WDR25: variants seen among roughly 807,000 people sequenced by gnomAD.
WDR25 encodes the protein WD repeat domain 25.
In WDR25, 35 loss-of-function variants were observed where a neutral mutation model predicts 47.7. That is an observed-to-expected ratio of 0.73 (90% confidence interval 0.56 to 0.97). The LOEUF (loss-of-function observed/expected upper bound fraction) is 0.97. Among genes scored for constraint, WDR25 ranks in the 50% least tolerant of loss-of-function variants. The pLI is 0.00. For missense variants in WDR25, 634 were observed against 704.7 expected (o/e 0.90, Z 1.14); for synonymous variants, 248 against 278.9 (o/e 0.89, Z 1.10).
chr14:100,527,970 G>A lies in WDR25; in HGVS notation c.1273-1098G>A, dbSNP rs368073242. On this transcript the variant is annotated intron_variant, in intron 5 of 6. Coordinates refer to ENST00000402312, the MANE Select transcript of WDR25 (RefSeq NM_001161476.3). ...CCTGTCAATGAAGCAGTGAGATCTC[G>A]CGCCCCCTGTGTTTTGAGGTTTGTG... 2.9e-3 allele frequency among the ~76,000 whole-genome samples: 434 copies of A among 151,968 alleles called. 4 individuals carry two copies. Among genetic ancestry groups the A allele is most frequent in the African/African-American group, 8.9e-3 (369 of 41,424 alleles).
chr14:100,423,084 A>G (rs912407977), intron 2 of WDR25, among the ~76,000 whole-genome samples: 41 of 152,338 alleles, frequency 2.7e-4, no homozygotes, highest in African/African-American at 9.6e-4. Flanking sequence ...TCACCTCTCT[A>G]TAATTTGCCC....
chr14:100,464,849 AC>A (rs1025120834), intron 2 of WDR25, among the ~76,000 whole-genome samples: 5 of 133,358 alleles, frequency 3.7e-5, no homozygotes, highest in African/African-American at 1.4e-4. Context: ...ACTCTTTCCT[AC>A]CCCATCTACT....
intron 4 of WDR25, among the ~76,000 whole-genome samples, chr14:100,485,593 G>A (rs76096455): frequency 0.012 from 1,855 of 152,314 alleles, 37 homozygotes; most frequent in African/African-American, 0.043. Context: ...GTCTTTCAAC[G>A]CTGTGTGTCT....
At chr14:100,417,822 A>G (rs141347612) in intron 2 of WDR25, among the ~76,000 whole-genome samples, 12 of 152,062 alleles carry the variant, frequency 7.9e-5, no homozygotes, top group South Asian at 2.1e-4. Flanking sequence ...CTAGCCTTCC[A>G]TCGTTTCTGT....
At chr14:100,408,978 G>A (rs780291527) in intron 2 of WDR25, among the ~76,000 whole-genome samples, 2 of 152,158 alleles carry the variant, frequency 1.3e-5, no homozygotes, top group African/African-American at 4.8e-5. Flanking sequence ...GATGTGGAGC[G>A]CTAGACTTAT....
chr14:100,403,502 C>T (rs1013309751), intron 2 of WDR25, among the ~76,000 whole-genome samples: 1 of 152,186 alleles, frequency 6.6e-6, no homozygotes, highest in Non-Finnish European at 1.5e-5. Flanking sequence ...CTCTGCTTCT[C>T]CCCCACTGTT....
At chr14:100,475,619 G>A (rs1175098673) in intron 3 of WDR25, among the ~76,000 whole-genome samples, 5 of 152,132 alleles carry the variant, frequency 3.3e-5, no homozygotes, top group Non-Finnish European at 7.3e-5. Context: ...TGTTACCAGG[G>A]GTTTGGGGGT....
intron 2 of WDR25, among the ~76,000 whole-genome samples, chr14:100,400,456 C>T (rs1246248502): frequency 1.3e-5 from 2 of 152,216 alleles, no homozygotes; most frequent in Non-Finnish European, 2.9e-5. Context: ...ATTCAGCCAG[C>T]ACCAGCTAAT....
chr14:100,462,751 G>T (rs1899457966), intron 2 of WDR25, among the ~76,000 whole-genome samples: 3 of 151,992 alleles, frequency 2.0e-5, no homozygotes, highest in South Asian at 4.1e-4. Flanking sequence ...CTTCTTTCTT[G>T]CATGAGACCA....
chr14:100,434,963 C>T (rs1898456573), intron 2 of WDR25, among the ~76,000 whole-genome samples: 2 of 152,180 alleles, frequency 1.3e-5, no homozygotes, highest in Non-Finnish European at 2.9e-5. Context: ...CCTGATCCTT[C>T]CTTCTGCTCC....
In WDR25 at chr14:100,500,509, G is replaced by A. The variant is rs1900885067; in HGVS notation, c.1101+16385G>A. 6.6e-6 allele frequency among the ~76,000 whole-genome samples: 1 copy of A among 152,140 alleles called. No individual in the cohort carries two copies. Among genetic ancestry groups the A allele is most frequent in the Admixed American group, 6.5e-5 (1 of 15,274 alleles). The stretch of plus-strand genomic sequence containing the variant: ...GTGCACCACAAAGTGGCCTTTTTTG[G>A]TCCCTGTTGACCCTGTGCCTCATTA... On this transcript the variant is annotated intron_variant, in intron 4 of 6. Coordinates refer to ENST00000402312, the MANE Select transcript of WDR25 (RefSeq NM_001161476.3). The surrounding 1 kb of genome is among the most constrained non-coding windows in gnomAD (Gnocchi z 4.7).
intron 2 of WDR25, among the ~76,000 whole-genome samples, chr14:100,406,234 T>C (rs2140180673): frequency 6.6e-6 from 1 of 152,214 alleles, no homozygotes; most frequent in East Asian, 1.9e-4. Flanking sequence ...CGGAGGCCCG[T>C]TGGACTGTTG....
At chr14:100,453,227 G>A (rs1368206910) in intron 2 of WDR25, among the ~76,000 whole-genome samples, 1 of 152,210 alleles carries the variant, frequency 6.6e-6, no homozygotes, top group Non-Finnish European at 1.5e-5. Context: ...TAGGGCAGTG[G>A]GTTGGACCTT....
chr14:100,476,065 G>A (rs1231860257), intron 3 of WDR25, among the ~76,000 whole-genome samples: 1 of 152,136 alleles, frequency 6.6e-6, no homozygotes, highest in African/African-American at 2.4e-5. Context: ...ACTGTTTATT[G>A]GGCCCTATCA....
intron 2 of WDR25, among the ~76,000 whole-genome samples, chr14:100,406,080 C>A (rs1481084544): frequency 6.6e-6 from 1 of 152,140 alleles, no homozygotes; most frequent in Non-Finnish European, 1.5e-5. Context: ...GAGGTACAGG[C>A]TCCCCAAGGC....
intron 2 of WDR25, chr14:100,382,103 G>A (rs1357460260): frequency 1.3e-5 from 9 of 703,010 alleles, no homozygotes; most frequent in Non-Finnish European, 2.3e-5. Flanking sequence ...ATTGAGCCAT[G>A]CCAGCTCTGT....
chr14:100,520,399 GAC>G (rs1337865893), intron 4 of WDR25, among the ~76,000 whole-genome samples: 1 of 151,558 alleles, frequency 6.6e-6, no homozygotes, highest in Non-Finnish European at 1.5e-5. Context: ...TATATATATT[GAC>G]ACTAACAATG....
At position 100,523,891 on chromosome 14, in the gene WDR25, G is replaced by T. The variant is rs1479680460; in HGVS notation, c.1102-1979G>T. Among the ~76,000 whole-genome samples, 1 of 152,066 alleles carries T rather than the reference G, an allele frequency of 6.6e-6. No homozygotes were observed. The highest frequency in any genetic ancestry group is 1.9e-4 in the East Asian group (1 of 5,196). On this transcript the variant is annotated intron_variant, in intron 4 of 6. Transcript: ENST00000402312. This position sits in a 1 kb window ranked among gnomAD's most constrained non-coding sequence, Gnocchi z 4.7. Reference sequence around the variant, plus strand: ...CATGCCAGCTGTTGGTGTAATTAAGGTTGCCATAAAACCCACCAGCTAGAC... The same window carrying T: ...CATGCCAGCTGTTGGTGTAATTAAGTTTGCCATAAAACCCACCAGCTAGAC...
intron 4 of WDR25, among the ~76,000 whole-genome samples, chr14:100,516,615 T>C (rs375323673): frequency 1.3e-5 from 2 of 152,238 alleles, no homozygotes; most frequent in Admixed American, 6.5e-5. Context: ...GTTTTCATTG[T>C]ATTCCTCTTA....
Sources: allele counts gnomAD v4.1 joint callset (sites outside exome capture counted in the v4.1 genomes callset), GRCh38; gene constraint gnomAD v4.1.1; non-coding constraint Gnocchi (gnomAD v3.1); transcripts MANE v1.5; gene names NCBI Gene and HGNC (gene_info 2026-07-23, HGNC 2026-07-21).